The following PPP3CA variants were observed in gnomAD, a reference collection of about 807,000 sequenced individuals.
PPP3CA encodes protein phosphatase 3 catalytic subunit alpha, also known as CAM-PRP catalytic subunit.
PPP3CA carries 14 observed loss-of-function variants against 66.5 expected under a neutral mutation model. The observed-to-expected ratio is 0.21, with a 90% confidence interval of 0.14 to 0.33. The LOEUF (loss-of-function observed/expected upper bound fraction) is 0.33. PPP3CA is among the 10% of genes least tolerant of loss of function. The pLI is 1.00. For synonymous variants in PPP3CA, 232 were observed against 226.2 expected (o/e 1.03, Z -0.23); for missense variants, 317 against 639.5 (o/e 0.50, Z 5.44).
intron 1 of PPP3CA, among the ~76,000 whole-genome samples, chr4:101,324,803 C>T (rs1463291113): frequency 6.6e-6 from 1 of 152,148 alleles, no homozygotes; most frequent in Non-Finnish European, 1.5e-5. Flanking sequence ...ATTTTTTATG[C>T]CATCAGGAGC....
intron 11 of PPP3CA, among the ~76,000 whole-genome samples, chr4:101,039,608 C>A (rs538504523): frequency 6.9e-6 from 1 of 144,094 alleles, no homozygotes; most frequent in African/African-American, 2.5e-5. Flanking sequence ...CTTCTCATGG[C>A]TACCTCTTTT....
chr4:101,273,031 G>A (rs191607154), intron 1 of PPP3CA, among the ~76,000 whole-genome samples: 1 of 152,272 alleles, frequency 6.6e-6, no homozygotes, highest in East Asian at 1.9e-4. Flanking sequence ...TTGGTCATTT[G>A]AAGTACTATA....
At chr4:101,157,078 T>C (rs1045488816) in intron 2 of PPP3CA, among the ~76,000 whole-genome samples, 27 of 152,178 alleles carry the variant, frequency 1.8e-4, no homozygotes, top group African/African-American at 6.3e-4. Flanking sequence ...GGCACAGAGT[T>C]ATGAGGTCGG....
At chr4:101,082,435 G>A (rs938534355) in intron 7 of PPP3CA, among the ~76,000 whole-genome samples, 27 of 152,160 alleles carry the variant, frequency 1.8e-4, no homozygotes, top group African/African-American at 5.8e-4. Context: ...AGACTATGAA[G>A]GGATGAGTTT....
At chr4:101,252,043 G>A (rs770547516) in intron 1 of PPP3CA, among the ~76,000 whole-genome samples, 36 of 152,224 alleles carry the variant, frequency 2.4e-4, no homozygotes, top group Admixed American at 1.1e-3. Flanking sequence ...CAATTCCCAC[G>A]TGCCATTACT....
intron 1 of PPP3CA, among the ~76,000 whole-genome samples, chr4:101,299,112 T>G (rs1051532401): frequency 3.5e-5 from 3 of 86,708 alleles, no homozygotes; most frequent in Non-Finnish European, 6.3e-5. Context: ...TATCGTTTTT[T>G]TTTTTTTTTT....
intron 1 of PPP3CA, among the ~76,000 whole-genome samples, chr4:101,311,082 T>C (rs1728706491): frequency 6.6e-6 from 1 of 152,228 alleles, no homozygotes; most frequent in Non-Finnish European, 1.5e-5. Context: ...GAAGAATCCT[T>C]CACTTCAGGG....
At chr4:101,345,612 T>C (rs755564284) in intron 1 of PPP3CA, among the ~76,000 whole-genome samples, 18 of 152,182 alleles carry the variant, frequency 1.2e-4, no homozygotes, top group Non-Finnish European at 1.9e-4. Context: ...GGTTCTGCTC[T>C]GTTGCCTCAG....
chr4:101,092,082 T>C (rs1398536593), intron 6 of PPP3CA, among the ~76,000 whole-genome samples: 1 of 152,032 alleles, frequency 6.6e-6, no homozygotes. Context: ...AGTGAGGTCA[T>C]GCAGAAACCT....
At chr4:101,187,945 A>C (rs895573486) in intron 2 of PPP3CA, among the ~76,000 whole-genome samples, 1 of 152,174 alleles carries the variant, frequency 6.6e-6, no homozygotes, top group African/African-American at 2.4e-5. Context: ...TTTGAAATGA[A>C]AACAAATGTC....
chr4:101,187,634 G>T lies in PPP3CA; in HGVS notation c.259+8282C>A, dbSNP rs12647402. The stretch of plus-strand genomic sequence containing the variant: ...CCTTTAATGTTTAAAACATAAGAAA[G>T]AGAATTTCAAATGAATAATGTGTTT... On this transcript the variant is annotated intron_variant, in intron 2 of 13. Coordinates refer to ENST00000394854, the MANE Select transcript of PPP3CA (RefSeq NM_000944.5). Among the ~76,000 whole-genome samples, 331 of 152,228 alleles carry T rather than the reference G, an allele frequency of 2.2e-3. 4 individuals are homozygous for T. In the East Asian group the frequency reaches 0.057, roughly 26 times the overall value.
rs1560604727 is a variant in PPP3CA at position 101,106,390 on chromosome 4, AAAG to A, written c.384+2561_384+2563del. Among the ~76,000 whole-genome samples the A allele has an allele frequency of 7.7e-3, 43 of 5,566 alleles. 6 individuals are homozygous for A. Among genetic ancestry groups the A allele is most frequent in the African/African-American group, 0.021 (41 of 1,936 alleles). 3.7% of individuals were successfully genotyped at this position (5,566 alleles called of 152,430 possible). On this transcript the variant is annotated intron_variant, in intron 3 of 13. Coordinates refer to ENST00000394854, the MANE Select transcript of PPP3CA (RefSeq NM_000944.5). ...AAAGAGAGAAAAGAAAGAAAGAAAG[AAAG>A]AAAGAAAGAAAGAAAGAAAGAAAGA... is the stretch of plus-strand genomic sequence containing the variant.
intron 2 of PPP3CA, among the ~76,000 whole-genome samples, chr4:101,185,728 C>T (rs1204843688): frequency 6.6e-6 from 1 of 152,192 alleles, no homozygotes; most frequent in Non-Finnish European, 1.5e-5. Context: ...TTTATGGCCA[C>T]CTTCCCTGCC....
intron 2 of PPP3CA, among the ~76,000 whole-genome samples, chr4:101,176,863 C>T (rs1220179947): frequency 6.6e-6 from 1 of 152,102 alleles, no homozygotes; most frequent in African/African-American, 2.4e-5. Flanking sequence ...ATACGATATA[C>T]TAGGATATTT....
intron 8 of PPP3CA, among the ~76,000 whole-genome samples, chr4:101,067,925 C>T (rs957645605): frequency 3.3e-5 from 5 of 152,042 alleles, no homozygotes; most frequent in African/African-American, 1.2e-4. Context: ...ATGGACTAAG[C>T]ACTTTTCAAG....
intron 1 of PPP3CA, among the ~76,000 whole-genome samples, chr4:101,259,326 G>A (rs1208306066): frequency 7.2e-6 from 1 of 138,160 alleles, no homozygotes; most frequent in Non-Finnish European, 1.6e-5. Context: ...TTTCCCAGTT[G>A]ACAGGAAGGC....
intron 11 of PPP3CA, among the ~76,000 whole-genome samples, chr4:101,038,460 C>T (rs1438702516): frequency 2.0e-5 from 3 of 151,702 alleles, no homozygotes; most frequent in African/African-American, 7.3e-5. Context: ...ACCTCCGCCT[C>T]CTGGGTTTGA....
At chr4:101,320,038 T>C (rs569992456) in intron 1 of PPP3CA, among the ~76,000 whole-genome samples, 6 of 152,204 alleles carry the variant, frequency 3.9e-5, no homozygotes, top group African/African-American at 1.4e-4. Context: ...AGTCAGTGAA[T>C]AGAGGGACAA....
intron 10 of PPP3CA, among the ~76,000 whole-genome samples, chr4:101,043,967 G>C (rs959950800): frequency 6.6e-6 from 1 of 152,134 alleles, no homozygotes; most frequent in Non-Finnish European, 1.5e-5. Context: ...AAAATAACCT[G>C]ACCATGGACA....
Sources: allele counts gnomAD v4.1 joint callset (sites outside exome capture counted in the v4.1 genomes callset), GRCh38; gene constraint gnomAD v4.1.1; transcripts MANE v1.5; gene names NCBI Gene and HGNC (gene_info 2026-07-23, HGNC 2026-07-21).